The following ANO4 variants were observed in gnomAD, a reference collection of about 807,000 sequenced individuals.
ANO4 encodes the protein anoctamin-4.
In ANO4, 69 loss-of-function variants were observed where a neutral mutation model predicts 141.9. The ratio of observed to expected loss-of-function variants is 0.49; its 90% confidence interval spans 0.40 to 0.59. The LOEUF (loss-of-function observed/expected upper bound fraction) is 0.59, where lower values mean the gene tolerates loss of function less well. ANO4 is among the 20% of genes least tolerant of loss of function. The pLI is 0.00. For synonymous variants in ANO4, 350 were observed against 394.3 expected, an observed-to-expected ratio of 0.89 and a Z score of 1.33; for missense variants, 894 against 1,162.2, an observed-to-expected ratio of 0.77 and a Z score of 3.36.
chr12:100,902,203 A>C (rs1453542561), intron 2 of ANO4, among the ~76,000 whole-genome samples: 4 of 152,308 alleles, frequency 2.6e-5, no homozygotes, highest in Non-Finnish European at 5.9e-5. Flanking sequence ...AAAAAAATTC[A>C]AGCCAAAAAA....
intron 3 of ANO4, among the ~76,000 whole-genome samples, chr12:100,924,991 C>T (rs568001122): frequency 3.9e-4 from 60 of 152,126 alleles, no homozygotes; most frequent in African/African-American, 1.4e-3. Context: ...GAGTACTTAA[C>T]AGAAGAAAAA....
intron 1 of ANO4, among the ~76,000 whole-genome samples, chr12:100,867,231 A>G (rs1406758788): frequency 6.6e-6 from 1 of 152,208 alleles, no homozygotes; most frequent in Non-Finnish European, 1.5e-5. Context: ...AACGGTCTTC[A>G]TGTCTTCAGA....
chr12:100,892,173 C>T (rs2040137820), intron 1 of ANO4, among the ~76,000 whole-genome samples: 1 of 152,106 alleles, frequency 6.6e-6, no homozygotes, highest in Admixed American at 6.5e-5. Context: ...ACTTAGATTC[C>T]ATATTATGGC....
chr12:100,903,073 A>G (rs1450829508), intron 2 of ANO4, among the ~76,000 whole-genome samples: 1 of 152,156 alleles, frequency 6.6e-6, no homozygotes. Flanking sequence ...TTCTGAAAAT[A>G]ATAATTTACT....
intron 14 of ANO4, chr12:101,068,826 TG>T: frequency 9.3e-7 from 1 of 1,071,700 alleles, no homozygotes; most frequent in Non-Finnish European, 1.4e-6. Flanking sequence ...TATTGAAGGT[TG>T]CTGAGCTATT....
At chr12:101,052,793 A>G (rs2047927725) in intron 14 of ANO4, among the ~76,000 whole-genome samples, 1 of 152,230 alleles carries the variant, frequency 6.6e-6, no homozygotes, top group Non-Finnish European at 1.5e-5. Context: ...AAGGCCTACC[A>G]TGTTTGTATG....
chr12:100,992,564 A>C (rs2045186739), intron 8 of ANO4, among the ~76,000 whole-genome samples: 3 of 152,116 alleles, frequency 2.0e-5, no homozygotes, highest in Non-Finnish European at 4.4e-5. Flanking sequence ...CCTTCCAAAG[A>C]TTGGGTCTCT....
chr12:101,104,667 ATAT>A (rs2050368100), intron 22 of ANO4, among the ~76,000 whole-genome samples: 2 of 61,474 alleles, frequency 3.3e-5, no homozygotes, highest in Non-Finnish European at 5.6e-5. Context: ...ATATATATAT[ATAT>A]AAATAAAAAG....
intron 18 of ANO4, among the ~76,000 whole-genome samples, chr12:101,095,454 A>G (rs985599952): frequency 2.0e-5 from 3 of 152,184 alleles, no homozygotes; most frequent in African/African-American, 4.8e-5. Context: ...AGACCTTTCC[A>G]TGTAACCAGG....
chr12:101,043,741 G>C, intron 13 of ANO4, 106 bp downstream of exon 13: 1 of 791,178 alleles, frequency 1.3e-6, no homozygotes. Context: ...ATTTTCAAGT[G>C]AATGTTGTAG....
At chr12:100,966,010 A>G (rs1434916290) in intron 5 of ANO4, among the ~76,000 whole-genome samples, 3 of 152,116 alleles carry the variant, frequency 2.0e-5, no homozygotes, top group East Asian at 3.9e-4. Context: ...AATGAATGTC[A>G]CAGACGAACC....
chr12:100,934,936 G>T (rs896532795), intron 3 of ANO4, among the ~76,000 whole-genome samples: 2 of 152,184 alleles, frequency 1.3e-5, no homozygotes, highest in Non-Finnish European at 2.9e-5. Context: ...TTTGCACATT[G>T]ATTTTGTATC....
intron 1 of ANO4, among the ~76,000 whole-genome samples, chr12:100,724,601 C>T (rs749767403): frequency 1.9e-4 from 29 of 152,184 alleles, no homozygotes; most frequent in Non-Finnish European, 3.8e-4. Context: ...ATAGGAAAAG[C>T]TCTTCCCAGT....
chr12:100,997,696 A>T (rs920339591), intron 8 of ANO4, among the ~76,000 whole-genome samples: 1 of 152,068 alleles, frequency 6.6e-6, no homozygotes, highest in African/African-American at 2.4e-5. Flanking sequence ...GCCAAGCGGA[A>T]GGGAGAAACG....
chr12:100,879,015 G>A (rs1409571973), intron 1 of ANO4, among the ~76,000 whole-genome samples: 2 of 152,128 alleles, frequency 1.3e-5, no homozygotes, highest in Non-Finnish European at 2.9e-5. Flanking sequence ...TTATGCCCCT[G>A]GAGGGGAGAT....
chr12:100,914,835 A>G (rs537539754), intron 2 of ANO4, among the ~76,000 whole-genome samples: 41 of 152,056 alleles, frequency 2.7e-4, no homozygotes, highest in African/African-American at 8.9e-4. Context: ...TTATTTTTTT[A>G]AGATACAAGG....
chr12:101,100,235 C>A (rs2050139989), intron 22 of ANO4, among the ~76,000 whole-genome samples: 1 of 151,926 alleles, frequency 6.6e-6, no homozygotes. Context: ...AATAAAATAT[C>A]TTAGATAAAT....
At chr12:100,717,314 G>T (rs2030636401), upstream of ANO4, among the ~76,000 whole-genome samples, 1 of 151,610 alleles carries the variant, frequency 6.6e-6, no homozygotes, top group African/African-American at 2.4e-5. Context: ...CTCTCCTGCC[G>T]CTCTCGCGGC....
chr12:101,127,359 G>A (rs940304503), intron 27 of ANO4, among the ~76,000 whole-genome samples: 18 of 152,192 alleles, frequency 1.2e-4, no homozygotes, highest in African/African-American at 3.6e-4. Context: ...GAAACAAAGC[G>A]TCCTCTCTCT....
Sources: allele counts gnomAD v4.1 joint callset (sites outside exome capture counted in the v4.1 genomes callset), GRCh38; gene constraint gnomAD v4.1.1; transcripts MANE v1.5; gene names NCBI Gene and HGNC (gene_info 2026-07-23, HGNC 2026-07-21).